Variants in NHS observed in about 807,000 individuals in gnomAD.
The protein encoded by NHS is NHS actin remodeling regulator, also known as actin remodeling regulator NHS.
NHS carries 5 observed loss-of-function variants against 72.5 expected under a neutral mutation model. The observed-to-expected ratio is 0.07, with a 90% CI of 0.04 to 0.14. The LOEUF (loss-of-function observed/expected upper bound fraction) is 0.14. Ranked by LOEUF, NHS falls within the 10% of genes least tolerant of loss-of-function variation. The pLI, the probability that NHS is intolerant of heterozygous loss-of-function variation, is 1.00. For synonymous variants in NHS, 464 were observed against 547.7 expected (o/e 0.85, Z 2.13); for missense variants, 1,072 against 1,355.7 (o/e 0.79, Z 3.29).
Position 17,376,270 on chromosome X carries a change from C to G in NHS, c.513C>G (p.Leu171=), listed in dbSNP as rs398124610. 6.4e-5 allele frequency: 74 copies of G among 1,164,143 alleles called. No homozygotes were observed. Among genetic ancestry groups the G allele is most frequent in the Non-Finnish European group, 7.6e-5 (67 of 877,209 alleles). Residue 171 remains leucine (L), a synonymous_variant, in exon 1 of 9, where the codon CTC becomes CTG. Coordinates refer to ENST00000676302, the MANE Select transcript of NHS (RefSeq NM_001291867.2). ...GCGTCTGGGCGCTGCAGGGCAAGCT[C>G]GGCGGCGTGCAGCGCGTCCTCAGCA... The part of the protein sequence containing the change: ...HRRVWALQGK[L]GGVQRVLSTL...
chrX:17,661,316 A>T (rs191844065), intron 1 of NHS, among the ~76,000 whole-genome samples: 24 of 110,899 alleles, frequency 2.2e-4, no homozygotes, highest in African/African-American at 7.2e-4. Context: ...CAGGTTTGTT[A>T]CATAGGCATA....
chrX:17,421,930 GACAT>G (rs138425036), intron 1 of NHS, among the ~76,000 whole-genome samples: 8,542 of 111,694 alleles, frequency 0.076, 282 homozygotes, highest in East Asian at 0.16. Flanking sequence ...AGATATAACT[GACAT>G]ACAGTAATGT....
rs780014603 is a variant in NHS at position 17,660,000 on chromosome X, T to C, written c.566-27742T>C. On this transcript the variant is annotated intron_variant, in intron 1 of 8. Transcript: ENST00000676302. ...GGTAGACTCCTTCTCCAGCCCTTTCTGAGATGTCCAATTGGGACATTTTTA... is the reference window on the plus strand; with the variant it reads ...GGTAGACTCCTTCTCCAGCCCTTTCCGAGATGTCCAATTGGGACATTTTTA... Among the ~76,000 whole-genome samples the C allele has an allele frequency of 9.8e-5, 11 of 112,229 alleles. No individual in the cohort carries two copies. In the South Asian group the frequency reaches 3.7e-3, roughly 38 times the overall value.
chrX:17,666,814 A>G (rs1159693859), intron 1 of NHS, among the ~76,000 whole-genome samples: 2 of 111,982 alleles, frequency 1.8e-5, no homozygotes, highest in Middle Eastern at 4.2e-3. Flanking sequence ...TAAGTCATGT[A>G]CCCTCCTAGC....
At chrX:17,403,810 T>C (rs1375444386) in intron 1 of NHS, among the ~76,000 whole-genome samples, 2 of 111,753 alleles carry the variant, frequency 1.8e-5, no homozygotes, top group East Asian at 5.6e-4. Context: ...CTTAGTGTCC[T>C]TCACTCCTGG....
At chrX:17,684,532 G>A (rs2066149739) in intron 1 of NHS, among the ~76,000 whole-genome samples, 2 of 110,860 alleles carry the variant, frequency 1.8e-5, no homozygotes, top group Non-Finnish European at 3.8e-5. Context: ...TAGGAGTGAG[G>A]CCCTCAGCTC....
At position 17,735,106 on chromosome X, in the gene NHS, T is replaced by C. The variant is rs897920908; in HGVS notation, c.*2642T>C. 1 of 113,029 alleles carries C rather than the reference T, an allele frequency of 8.8e-6. No individual in the cohort carries two copies. 9.3% of individuals were successfully genotyped at this position (113,029 alleles called of 1,213,427 possible). On this transcript the variant is annotated 3_prime_UTR_variant, in exon 9 of 9. Coordinates refer to ENST00000676302, the MANE Select transcript of NHS (RefSeq NM_001291867.2). ...AACCCTTATAATATAGTTTTACTTA[T>C]TTTGTTTACTCTAAAAATCTATAGC...
intron 1 of NHS, among the ~76,000 whole-genome samples, chrX:17,666,244 C>T (rs771451867): frequency 2.3e-4 from 26 of 112,055 alleles, no homozygotes; most frequent in Middle Eastern, 4.6e-3. Context: ...AACAGGGGCA[C>T]GGCCTGCAGA....
At chrX:17,441,398 G>T (rs926233136) in intron 1 of NHS, among the ~76,000 whole-genome samples, 15 of 112,052 alleles carry the variant, frequency 1.3e-4, no homozygotes, top group African/African-American at 4.9e-4. Flanking sequence ...CACCTTACAC[G>T]ATTCTCTTTA....
intron 1 of NHS, among the ~76,000 whole-genome samples, chrX:17,397,611 G>A (rs113402889): frequency 0.019 from 2,119 of 111,941 alleles, 46 homozygotes; most frequent in African/African-American, 0.065. Context: ...GTAACTTGGC[G>A]TTGCTAAAAA....
intron 1 of NHS, among the ~76,000 whole-genome samples, chrX:17,441,459 A>G (rs1049490709): frequency 4.4e-5 from 5 of 112,373 alleles, no homozygotes; most frequent in Admixed American, 2.8e-4. Context: ...TCTCAATTAT[A>G]TAGATGAAAC....
chrX:17,667,479 G>T (rs781222037), intron 1 of NHS, among the ~76,000 whole-genome samples: 1 of 111,012 alleles, frequency 9.0e-6, no homozygotes, highest in Non-Finnish European at 1.9e-5. Flanking sequence ...GATCAAACTA[G>T]CTGCCTCCAC....
chrX:17,501,308 G>GTACC (rs2065035337), intron 1 of NHS, among the ~76,000 whole-genome samples: 2 of 107,332 alleles, frequency 1.9e-5, no homozygotes, highest in South Asian at 8.3e-4. Context: ...AGCCGTCATT[G>GTACC]TACCACTGCA....
intron 1 of NHS, among the ~76,000 whole-genome samples, chrX:17,421,249 GCACA>G (rs752023167): frequency 1.0e-5 from 1 of 96,833 alleles, no homozygotes; most frequent in Non-Finnish European, 2.0e-5. Context: ...GTGTGTGCGC[GCACA>G]CACACACACA....
chrX:17,490,025 C>T (rs1354918251), intron 1 of NHS, among the ~76,000 whole-genome samples: 7 of 111,625 alleles, frequency 6.3e-5, no homozygotes, highest in Non-Finnish European at 1.3e-4. Flanking sequence ...TAGATATTAG[C>T]CCTTTGTCAG....
chrX:17,488,457 A>G (rs2064976097), intron 1 of NHS, among the ~76,000 whole-genome samples: 1 of 111,134 alleles, frequency 9.0e-6, no homozygotes, highest in Admixed American at 9.6e-5. Flanking sequence ...GGGGTGATGT[A>G]GGTATGCAAT....
intron 1 of NHS, among the ~76,000 whole-genome samples, chrX:17,440,375 C>G (rs1026679909): frequency 1.8e-5 from 2 of 108,739 alleles, no homozygotes; most frequent in African/African-American, 6.7e-5. Flanking sequence ...GTGGGAGATA[C>G]ACCTAAAGAT....
rs775713410 is a variant in NHS, at chrX:17,602,653, C to T, written c.566-85089C>T. ...AGCCTAGCATGGATGCTGCAAGTGG[C>T]TTGCTGCTTTACTAAGCAAGTTAAC... On this transcript the variant is annotated intron_variant, in intron 1 of 8. Coordinates refer to ENST00000676302, the MANE Select transcript of NHS (RefSeq NM_001291867.2). 2.7e-5 allele frequency among the ~76,000 whole-genome samples: 3 copies of T among 109,905 alleles called. No individual in the cohort carries two copies. The South Asian group carries it at 1.2e-3, about 43-fold the overall frequency.
intron 1 of NHS, among the ~76,000 whole-genome samples, chrX:17,568,928 A>G (rs2065460697): frequency 9.2e-6 from 1 of 109,105 alleles, no homozygotes; most frequent in Non-Finnish European, 1.9e-5. Flanking sequence ...TGGTTTTCTG[A>G]CCTTGTGATA....
Sources: gnomAD v4.1 joint callset for allele counts (sites outside exome capture counted in the v4.1 genomes callset) on GRCh38, gnomAD v4.1.1 for gene constraint, MANE v1.5 for transcripts, NCBI Gene and HGNC (gene_info 2026-07-23, HGNC 2026-07-21) for gene names.